The following CCPG1 variants were observed in gnomAD, a reference collection of about 807,000 sequenced individuals.
CCPG1 encodes cell cycle progression 1.
A neutral mutation model predicts 81.3 loss-of-function variants in CCPG1; 46 were observed. The ratio of observed to expected loss-of-function variants is 0.57; its 90% CI spans 0.45 to 0.72. The LOEUF is 0.72. Ranked by LOEUF, CCPG1 falls within the 30% of genes least tolerant of loss-of-function variation. The pLI is 0.00. For synonymous variants in CCPG1, 330 were observed against 305.2 expected (o/e 1.08, Z -0.85); for missense variants, 902 against 937.6 (o/e 0.96, Z 0.50).
rs569323901 is a variant in CCPG1, at chr15:55,401,183, C to G, written c.-10+7038G>C. Among the ~76,000 whole-genome samples the G allele has an allele frequency of 2.6e-5, 4 of 152,270 alleles. No individual in the cohort carries two copies. In the South Asian group the frequency reaches 8.3e-4, roughly 32 times the overall value. On this transcript the variant is annotated intron_variant, in intron 1 of 8. Coordinates refer to ENST00000442196, the MANE Select transcript of CCPG1 (RefSeq NM_001204450.2). The stretch of plus-strand genomic sequence containing the variant: ...TAAACCAAATATTGAATATTCCACA[C>G]TTTTTCTATAATTTGAAATGCCACC...
At chr15:55,396,210 C>T (rs2057015175) in intron 1 of CCPG1, among the ~76,000 whole-genome samples, 1 of 151,872 alleles carries the variant, frequency 6.6e-6, no homozygotes, top group African/African-American at 2.4e-5. Flanking sequence ...AGCTTCCTCT[C>T]CCATTAATCT....
intron 1 of CCPG1, among the ~76,000 whole-genome samples, chr15:55,391,095 A>T (rs2141319467): frequency 6.6e-6 from 1 of 152,332 alleles, no homozygotes; most frequent in South Asian, 2.1e-4. Flanking sequence ...ATTTTATTTC[A>T]GCATTCTTTA....
rs1204892236 is a variant in CCPG1 at position 55,361,151 on chromosome 15, G to C, written c.829-207C>G. Among the ~76,000 whole-genome samples the C allele has an allele frequency of 4.0e-5, 6 of 151,672 alleles. No individual in the cohort carries two copies. In the South Asian group the frequency reaches 1.0e-3, roughly 26 times the overall value. On this transcript the variant is annotated intron_variant, in intron 7 of 8. Transcript: ENST00000442196. ...AGAGCAGAGAGCTACATCAAATTGA[G>C]AACTACAGCATGGTGTAAGAATTTT...
At chr15:55,403,357 A>G (rs531233228) in intron 1 of CCPG1, among the ~76,000 whole-genome samples, 2 of 152,262 alleles carry the variant, frequency 1.3e-5, no homozygotes, top group African/African-American at 4.8e-5. Flanking sequence ...ATGAACCAGA[A>G]GTAAGATTTT....
Position 55,365,260 on chromosome 15 carries a change from T to C in CCPG1, c.756A>G (p.Glu252=), listed in dbSNP as rs745666098. 3 of 1,540,002 alleles carry C rather than the reference T, an allele frequency of 1.9e-6. No homozygotes were observed. The highest frequency in any genetic ancestry group is 1.8e-6 in the Non-Finnish European group (2 of 1,120,134). Residue 252 remains glutamate, a synonymous_variant, in exon 7 of 9, where the codon GAA becomes GAG. Coordinates refer to ENST00000442196, the MANE Select transcript of CCPG1 (RefSeq NM_001204450.2). ...KRQQLVRKIH[E]DELNDMKDYL... Reference sequence around the variant, plus strand: ...AATCCTTCATATCATTCAATTCATCTTCATGTATCTTTCTGACTAACTGTT... The same window carrying C: ...AATCCTTCATATCATTCAATTCATCCTCATGTATCTTTCTGACTAACTGTT...
At chr15:55,369,966 A>T (rs1292426315) in intron 6 of CCPG1, among the ~76,000 whole-genome samples, 1 of 152,118 alleles carries the variant, frequency 6.6e-6, no homozygotes, top group East Asian at 1.9e-4. Context: ...ATCATACTCA[A>T]ATACTTATTG....
chr15:55,371,658 A>T, intron 6 of CCPG1, 135 bp downstream of exon 6: 1 of 786,322 alleles, frequency 1.3e-6, no homozygotes, highest in Non-Finnish European at 2.0e-6. Context: ...GAGAAAACTG[A>T]GGCTCAAACA....
At chr15:55,377,597 G>A (rs775755854) in intron 4 of CCPG1, among the ~76,000 whole-genome samples, 16 of 152,160 alleles carry the variant, frequency 1.1e-4, no homozygotes, top group African/African-American at 3.1e-4. Context: ...AAATTTCTAC[G>A]CTGGAATGTA....
rs1323818702 is a variant in CCPG1 at position 55,360,298 on chromosome 15, G to A, written c.1475C>T (p.Thr492Ile). 6.2e-7 allele frequency: 1 copy of A among 1,613,854 alleles called. No homozygotes were observed. The highest frequency in any genetic ancestry group is 1.1e-5 in the South Asian group (1 of 91,032). Residue 492 changes from threonine (T) to isoleucine (I), a missense_variant, in exon 8 of 9, where the codon ACA (threonine) becomes ATA (isoleucine). This residue lies in a region of CCPG1 where 746 missense variants were observed against 728.6 expected (regional missense o/e 1.02). Coordinates refer to ENST00000442196, the MANE Select transcript of CCPG1 (RefSeq NM_001204450.2). ...GGTAGAATTCTTCATGGCATCAAAT[G>A]TTTCCTTAACTGAACCCAAAAATGT... ...KETFLGSVKE[T>I]FDAMKNSTKE...
At chr15:55,396,455 A>T (rs1257545214) in intron 1 of CCPG1, among the ~76,000 whole-genome samples, 1 of 152,136 alleles carries the variant, frequency 6.6e-6, no homozygotes, top group Non-Finnish European at 1.5e-5. Context: ...ATTGCTTTTG[A>T]TGTCCCCTTG....
intron 1 of CCPG1, among the ~76,000 whole-genome samples, chr15:55,392,703 G>C (rs2056945305): frequency 6.6e-6 from 1 of 152,094 alleles, no homozygotes; most frequent in Non-Finnish European, 1.5e-5. Context: ...TTTTTGTAAA[G>C]ACAGGGTTTT....
rs995345215 is a variant in CCPG1 at position 55,369,460 on chromosome 15, G to A, written c.706+2333C>T. Among the ~76,000 whole-genome samples the A allele has an allele frequency of 6.3e-4, 96 of 151,982 alleles. 1 individual carries two copies. The highest frequency in any genetic ancestry group is 2.6e-4 in the Admixed American group (4 of 15,250). On this transcript the variant is annotated intron_variant, in intron 6 of 8. Transcript: ENST00000442196. ...TGAGGCAGGAGAATTGCTTGAACCC[G>A]GGAGGCGAAGGTTGCGGTGAGCCGA... is the stretch of plus-strand genomic sequence containing the variant.
rs371673984 is a variant in CCPG1 at position 55,362,910 on chromosome 15, G to A, written c.829-1966C>T. ...TAAAAACCAAGTTGGACATGGTGGC[G>A]TGTGCTTGTGGTCGCAGCTACTTGA... is the stretch of plus-strand genomic sequence containing the variant. On this transcript the variant is annotated intron_variant, in intron 7 of 8. Transcript: ENST00000442196. Among the ~76,000 whole-genome samples, 8 of 152,152 alleles carry A rather than the reference G, an allele frequency of 5.3e-5. No individual in the cohort carries two copies. In the East Asian group the frequency reaches 5.8e-4, roughly 11 times the overall value.
chr15:55,376,047 C>G (rs2056558305), intron 5 of CCPG1, among the ~76,000 whole-genome samples: 1 of 152,138 alleles, frequency 6.6e-6, no homozygotes, highest in Admixed American at 6.5e-5. Context: ...ATTCTATTGT[C>G]TGATTCTGGT....
In CCPG1 at chr15:55,377,108, T is replaced by C; in HGVS notation, c.295A>G (p.Thr99Ala). The C allele has an allele frequency of 6.2e-7, 1 of 1,613,628 alleles. No individual in the cohort carries two copies. Among genetic ancestry groups the C allele is most frequent in the Non-Finnish European group, 8.5e-7 (1 of 1,179,602 alleles). The change falls in exon 5 of 9, where the codon ACT becomes GCT. Residue 99 changes from threonine to alanine, a missense_variant. Transcript: ENST00000442196. ...ACAATATCAGAATCATCACTGGCAG[T>C]TCCAATATAGATACTGTCTTCGGGT... The part of the protein sequence containing the change: ...KIPEDSIYIG[T>A]ASDDSDIVTL...
intron 7 of CCPG1, 74 bp downstream of exon 7, chr15:55,365,114 T>G (rs1195719456): frequency 1.4e-5 from 12 of 851,004 alleles, no homozygotes; most frequent in Non-Finnish European, 2.1e-5. Flanking sequence ...TCTGCACTAA[T>G]AAGCACAATA....
intron 3 of CCPG1, among the ~76,000 whole-genome samples, chr15:55,384,931 TTTC>T (rs1436263568): frequency 1.3e-5 from 2 of 152,196 alleles, no homozygotes; most frequent in Non-Finnish European, 2.9e-5. Context: ...GAATAATTTT[TTTC>T]TTAACTTTAA....
chr15:55,359,485 C>G (rs2056146706), intron 8 of CCPG1, 54 bp downstream of exon 8: 1 of 1,519,084 alleles, frequency 6.6e-7, no homozygotes, highest in Non-Finnish European at 8.8e-7. Flanking sequence ...AAAATGCTAT[C>G]CAATCTACAA....
chr15:55,408,109 C>G (rs1373691562), intron 1 of CCPG1, 112 bp downstream of exon 1: 1 of 152,568 alleles, frequency 6.6e-6, no homozygotes, highest in Non-Finnish European at 1.5e-5. Flanking sequence ...GCAGCCCCAG[C>G]CTAGGAGGCG....
Sources: gnomAD v4.1 joint callset for allele counts (sites outside exome capture counted in the v4.1 genomes callset) on GRCh38, gnomAD v4.1.1 for gene constraint, gnomAD v4.1.1 regional missense constraint, MANE v1.5 for transcripts, NCBI Gene and HGNC (gene_info 2026-07-23, HGNC 2026-07-21) for gene names.